BCAR3: variants seen among roughly 807,000 people sequenced by gnomAD.
BCAR3 encodes BCAR3 adaptor protein, NSP family member, also known as breast cancer anti-estrogen resistance protein 3.
A neutral mutation model predicts 80.1 loss-of-function variants in BCAR3; 37 were observed. That is an observed-to-expected ratio of 0.46 (90% CI 0.36 to 0.61). BCAR3 has a LOEUF of 0.61. BCAR3 is among the 20% of genes least tolerant of loss of function. The probability of loss-of-function intolerance (pLI) is 0.00; values close to 1 mark genes in which losing one functional copy is unlikely to be tolerated. For synonymous variants in BCAR3, 389 were observed against 418.9 expected, an observed-to-expected ratio of 0.93 and a Z score of 0.87; for missense variants, 978 against 1,068.2, an observed-to-expected ratio of 0.92 and a Z score of 1.18.
intron 2 of BCAR3, among the ~76,000 whole-genome samples, chr1:93,743,218 A>G (rs1364248468): frequency 6.6e-6 from 1 of 152,202 alleles, no homozygotes; most frequent in African/African-American, 2.4e-5. Context: ...GTGTATTTAA[A>G]ACAATTATGC....
At chr1:93,737,901 T>C (rs1358902688) in intron 2 of BCAR3, among the ~76,000 whole-genome samples, 2 of 152,218 alleles carry the variant, frequency 1.3e-5, no homozygotes, top group Non-Finnish European at 2.9e-5. Context: ...GATGTGATCA[T>C]AGCTCACTGT....
chr1:93,669,361 A>T (rs1329031518), intron 2 of BCAR3, among the ~76,000 whole-genome samples: 1 of 152,224 alleles, frequency 6.6e-6, no homozygotes, highest in Non-Finnish European at 1.5e-5. Flanking sequence ...TCTGGACCTT[A>T]CATCTTTGCT....
intron 8 of BCAR3, among the ~76,000 whole-genome samples, chr1:93,572,216 CT>C: frequency 6.6e-6 from 1 of 152,208 alleles, no homozygotes; most frequent in East Asian, 1.9e-4. Context: ...CCCAAAACGC[CT>C]GAGAATCTCT....
intron 7 of BCAR3, among the ~76,000 whole-genome samples, chr1:93,582,046 C>G (rs550075586): frequency 1.3e-5 from 2 of 152,354 alleles, no homozygotes; most frequent in South Asian, 4.1e-4. Context: ...TGCCATCCCT[C>G]TGTCTGAGAT....
intron 2 of BCAR3, among the ~76,000 whole-genome samples, chr1:93,783,897 C>T (rs1652850565): frequency 6.6e-6 from 1 of 152,176 alleles, no homozygotes; most frequent in East Asian, 1.9e-4. Context: ...TTAATAGACA[C>T]TATGTGATTT....
chr1:93,669,204 T>C (rs761641711), intron 2 of BCAR3, among the ~76,000 whole-genome samples: 2 of 152,184 alleles, frequency 1.3e-5, no homozygotes, highest in Non-Finnish European at 2.9e-5. Context: ...TGAGGGAACA[T>C]CTTGCTTTGT....
Position 93,571,713 on chromosome 1 carries a change from A to C in BCAR3, c.1931T>G (p.Leu644Arg). The change falls in exon 9 of 12, where the codon CTC (leucine) becomes CGC (arginine). Residue 644 changes from leucine (L) to arginine (R), a missense_variant. Coordinates refer to ENST00000260502, the MANE Select transcript of BCAR3 (RefSeq NM_003567.4). ...AVELKDSMGD[L>R]YSFSALMKAL... The stretch of plus-strand genomic sequence containing the variant: ...TTTCATGAGAGCTGAGAAGGAATAG[A>C]GGTCCCCCATGGAATCCTTCAGTTC... The C allele has an allele frequency of 6.2e-7, 1 of 1,614,180 alleles. No individual in the cohort carries two copies. The highest frequency in any genetic ancestry group is 8.5e-7 in the Non-Finnish European group (1 of 1,180,038).
At chr1:93,630,462 A>C (rs36099617) in intron 3 of BCAR3, among the ~76,000 whole-genome samples, 1 of 137,736 alleles carries the variant, frequency 7.3e-6, no homozygotes, top group Non-Finnish European at 1.6e-5. Context: ...CCAGGTCTCT[A>C]AAAAAAAAAA....
intron 2 of BCAR3, among the ~76,000 whole-genome samples, chr1:93,810,192 C>CAAAAAAA (rs111305058): frequency 3.0e-4 from 30 of 98,844 alleles, no homozygotes; most frequent in African/African-American, 7.6e-4. Context: ...GACTCCATCT[C>CAAAAAAA]AAAAAAAAAA....
intron 2 of BCAR3, among the ~76,000 whole-genome samples, chr1:93,644,713 A>G (rs1471325691): frequency 6.6e-6 from 1 of 152,222 alleles, no homozygotes; most frequent in Non-Finnish European, 1.5e-5. Context: ...GCCTCAGAGA[A>G]GACTCAGGAC....
chr1:93,615,919 G>C (rs1675109118), intron 3 of BCAR3, among the ~76,000 whole-genome samples: 1 of 152,172 alleles, frequency 6.6e-6, no homozygotes, highest in African/African-American at 2.4e-5. Flanking sequence ...AAAAGGGAGG[G>C]GGGCAGTGAC....
chr1:93,785,129 C>T (rs1317734162), intron 2 of BCAR3, among the ~76,000 whole-genome samples: 4 of 152,164 alleles, frequency 2.6e-5, no homozygotes, highest in Non-Finnish European at 5.9e-5. Flanking sequence ...AAACAAGAAA[C>T]AGCAACCTGA....
At chr1:93,589,844 G>A (rs926700311) in intron 4 of BCAR3, among the ~76,000 whole-genome samples, 9 of 152,194 alleles carry the variant, frequency 5.9e-5, no homozygotes, top group African/African-American at 2.2e-4. Context: ...GGGTGGTTGG[G>A]GAGGTGTCAC....
chr1:93,606,361 T>C (rs1030788727), intron 3 of BCAR3, among the ~76,000 whole-genome samples: 4 of 152,056 alleles, frequency 2.6e-5, no homozygotes, highest in African/African-American at 9.7e-5. Context: ...AGCAAGAATG[T>C]TTACATCTCA....
At chr1:93,780,061 C>T (rs1424631000) in intron 2 of BCAR3, among the ~76,000 whole-genome samples, 1 of 152,178 alleles carries the variant, frequency 6.6e-6, no homozygotes, top group African/African-American at 2.4e-5. Context: ...TCCCTCCCAC[C>T]CTCAGGGCCT....
chr1:93,589,717 T>C (rs1674093595), intron 4 of BCAR3, among the ~76,000 whole-genome samples: 1 of 152,092 alleles, frequency 6.6e-6, no homozygotes, highest in Non-Finnish European at 1.5e-5. Context: ...AGCTTCTGTT[T>C]TAGTGAGGAT....
chr1:93,630,905 C>G (rs547216666), intron 3 of BCAR3, among the ~76,000 whole-genome samples: 2 of 152,364 alleles, frequency 1.3e-5, no homozygotes, highest in South Asian at 4.1e-4. Context: ...CAGAGAACTT[C>G]AGTAACTTGC....
chr1:93,682,978 GA>G (rs969423349), upstream of BCAR3, among the ~76,000 whole-genome samples: 9 of 151,616 alleles, frequency 5.9e-5, no homozygotes, highest in Non-Finnish European at 1.2e-4. Flanking sequence ...CTAATATAAA[GA>G]AAAAAAACTC....
chr1:93,671,096 G>C (rs747121033), intron 2 of BCAR3, among the ~76,000 whole-genome samples: 10 of 152,100 alleles, frequency 6.6e-5, no homozygotes, highest in Non-Finnish European at 1.5e-4. Context: ...AGGTTCAAGC[G>C]ATTCTCTTGC....
Sources: allele counts gnomAD v4.1 joint callset (sites outside exome capture counted in the v4.1 genomes callset), GRCh38; gene constraint gnomAD v4.1.1; transcripts MANE v1.5; gene names NCBI Gene and HGNC (gene_info 2026-07-23, HGNC 2026-07-21).